The following BLOC1S3 variants were observed in gnomAD, a reference collection of about 807,000 sequenced individuals.
BLOC1S3 encodes biogenesis of lysosomal organelles complex 1 subunit 3.
A neutral mutation model predicts 9.1 loss-of-function variants in BLOC1S3; 7 were observed. The ratio of observed to expected loss-of-function variants is 0.77; its 90% CI spans 0.44 to 1.45. BLOC1S3 has a LOEUF of 1.45. BLOC1S3 is among the 40% of genes most tolerant of loss of function. BLOC1S3 has a pLI of 0.01. For synonymous variants in BLOC1S3, 145 were observed against 158.4 expected (o/e 0.92, Z 0.64); for missense variants, 307 against 315.2 (o/e 0.97, Z 0.20).
chr19:45,194,040 C>T lies in BLOC1S3; in HGVS notation n.180+6300C>T, dbSNP rs181452266. Among the ~76,000 whole-genome samples the T allele has an allele frequency of 2.0e-3, 271 of 137,204 alleles. 2 individuals are homozygous for T. Among genetic ancestry groups the T allele is most frequent in the African/African-American group, 6.6e-3 (240 of 36,270 alleles). 90.0% of individuals were successfully genotyped at this position (137,204 alleles called of 152,430 possible). The stretch of plus-strand genomic sequence containing the variant: ...GGATGGTCTCGATCTCCTGACCTCA[C>T]GATCCGCCCTCCTTGGCCTCCCAAA... On this transcript the variant is annotated intron_variant and non_coding_transcript_variant, in intron 2 of 3. Coordinates refer to the BLOC1S3 transcript ENST00000591569.
In BLOC1S3 at chr19:45,180,235, A is replaced by ATTTTTTTTTTTTTT. The variant is rs34965337; in HGVS notation, c.*341_*354dup. 1.2e-4 allele frequency: 11 copies of ATTTTTTTTTTTTTT among 90,522 alleles called. No individual in the cohort carries two copies. The highest frequency in any genetic ancestry group is 3.1e-4 in the South Asian group (1 of 3,176). The allele number at this position is 90,522 out of a possible 1,614,324, so 5.6% of individuals were successfully genotyped here. On this transcript the variant is annotated 3_prime_UTR_variant, in exon 2 of 2. Coordinates refer to ENST00000433642, the MANE Select transcript of BLOC1S3 (RefSeq NM_212550.5). ...CTGTTTCCACCCTGGGGGCTCACCA[A>ATTTTTTTTTTTTTT]TTTTTTTTTTTTTTTTTTTTTTTTG...
rs1399781701 is a variant in BLOC1S3 at position 45,179,146 on chromosome 19, A to G, written c.-9-142A>G. 2 of 915,542 alleles carry G rather than the reference A, an allele frequency of 2.2e-6. No homozygotes were observed. The highest frequency in any genetic ancestry group is 1.8e-5 in the African/African-American group (1 of 56,440). The allele number at this position is 915,542 out of a possible 1,614,324, so 56.7% of individuals were successfully genotyped here. On this transcript the variant is annotated intron_variant, in intron 1 of 1. Transcript: ENST00000433642. The surrounding 1 kb of genome is among the most constrained non-coding windows in gnomAD (Gnocchi z 4.6). The stretch of plus-strand genomic sequence containing the variant: ...CCCCCATCATCACCCAGTTTACAGA[A>G]GAGGAAACTGAGGCCCAGACGGGGA...
At chr19:45,210,821 T>C (rs563437725) in intron 3 of BLOC1S3, among the ~76,000 whole-genome samples, 4 of 152,332 alleles carry the variant, frequency 2.6e-5, no homozygotes, top group African/African-American at 7.2e-5. Context: ...GAGGCTCTTA[T>C]ATGTTTAATT....
intron 3 of BLOC1S3, among the ~76,000 whole-genome samples, chr19:45,203,344 G>C (rs1969705167): frequency 6.6e-6 from 1 of 152,114 alleles, no homozygotes; most frequent in Admixed American, 6.6e-5. Context: ...CGTGCTCTCG[G>C]CTCACTGCAA....
downstream of BLOC1S3, among the ~76,000 whole-genome samples, chr19:45,184,041 G>C (rs1387746908): frequency 6.6e-6 from 1 of 152,120 alleles, no homozygotes; most frequent in African/African-American, 2.4e-5. Flanking sequence ...CTGGAGCACA[G>C]AGCTTCCCTC....
intron 3 of BLOC1S3, among the ~76,000 whole-genome samples, chr19:45,215,626 A>G (rs1222704567): frequency 6.6e-6 from 1 of 152,222 alleles, no homozygotes; most frequent in Non-Finnish European, 1.5e-5. Flanking sequence ...CGAGAATACT[A>G]CTATCCCCAT....
Position 45,179,215 on chromosome 19 carries a change from G to C in BLOC1S3, c.-9-73G>C. ...TTAAGAGAATCAGCGAAGGGGCTGGGAATCCAGGACCTGCGCCTTTTACCC... is the reference window on the plus strand; with the variant it reads ...TTAAGAGAATCAGCGAAGGGGCTGGCAATCCAGGACCTGCGCCTTTTACCC... On this transcript the variant is annotated intron_variant, in intron 1 of 1. Coordinates refer to ENST00000433642, the MANE Select transcript of BLOC1S3 (RefSeq NM_212550.5). The surrounding 1 kb of genome is among the most constrained non-coding windows in gnomAD (Gnocchi z 4.6). 7.1e-7 allele frequency: 1 copy of C among 1,401,104 alleles called. No individual in the cohort carries two copies. The allele number at this position is 1,401,104 out of a possible 1,614,324, so 86.8% of individuals were successfully genotyped here.
intron 3 of BLOC1S3, among the ~76,000 whole-genome samples, chr19:45,214,975 G>A (rs1034322189): frequency 1.3e-4 from 19 of 151,990 alleles, no homozygotes; most frequent in African/African-American, 4.6e-4. Context: ...GGTCAACTTG[G>A]TGAAATCCCA....
chr19:45,213,826 C>T (rs1030743844), intron 3 of BLOC1S3, among the ~76,000 whole-genome samples: 16 of 151,420 alleles, frequency 1.1e-4, no homozygotes, highest in African/African-American at 3.1e-4. Flanking sequence ...TGGTGGCAGG[C>T]GCTTGTAATC....
downstream of BLOC1S3, among the ~76,000 whole-genome samples, chr19:45,184,507 G>A (rs542546956): frequency 2.0e-5 from 3 of 152,272 alleles, no homozygotes; most frequent in East Asian, 1.9e-4. Context: ...TCGTGAGGCT[G>A]AGATGGAAGA....
intron 3 of BLOC1S3, among the ~76,000 whole-genome samples, chr19:45,204,380 A>T (rs1314586416): frequency 6.6e-6 from 1 of 151,576 alleles, no homozygotes; most frequent in African/African-American, 2.4e-5. Flanking sequence ...TTCAGTAGAG[A>T]CAGGGTTTCA....
chr19:45,184,903 C>CAAACAAAAAAAA (rs1334862577), downstream of BLOC1S3, among the ~76,000 whole-genome samples: 5 of 48,278 alleles, frequency 1.0e-4, no homozygotes, highest in Non-Finnish European at 2.0e-4. Flanking sequence ...CTGTCTCAAA[C>CAAACAAAAAAAA]AAAAAAAAAA....
chr19:45,213,262 G>A (rs1969797527), intron 3 of BLOC1S3: 2 of 1,613,656 alleles, frequency 1.2e-6, no homozygotes, highest in African/African-American at 1.3e-5. Context: ...TCCCTCCTCA[G>A]AGAGTTCCAG....
At chr19:45,215,627 C>G (rs1490731125) in intron 3 of BLOC1S3, among the ~76,000 whole-genome samples, 1 of 152,210 alleles carries the variant, frequency 6.6e-6, no homozygotes. Context: ...GAGAATACTA[C>G]TATCCCCATG....
chr19:45,179,534 C>T lies in BLOC1S3; in HGVS notation c.238C>T (p.Leu80=). ...GGAACCGACGGCCGCGCCGAGGGAC[C>T]TGCCTCCACTCGTGGTGCAGCGGGA... The part of the protein sequence containing the change: ...EPEPTAAPRD[L]PPLVVQRESA... The change falls in exon 2 of 2, where the codon CTG becomes TTG. Residue 80 remains leucine (L), a synonymous_variant. Transcript: ENST00000433642. This position sits in a 1 kb window ranked among gnomAD's most constrained non-coding sequence, Gnocchi z 4.6. 1 of 1,522,932 alleles carries T rather than the reference C, an allele frequency of 6.6e-7. No homozygotes were observed. The allele number at this position is 1,522,932 out of a possible 1,614,324, so 94.3% of individuals were successfully genotyped here.
intron 3 of BLOC1S3, among the ~76,000 whole-genome samples, chr19:45,215,716 C>T (rs1969825230): frequency 6.6e-6 from 1 of 152,170 alleles, no homozygotes; most frequent in Non-Finnish European, 1.5e-5. Context: ...GCCGCCTGCG[C>T]CTGCCGCTGT....
At chr19:45,203,499 C>T (rs1969706347) in intron 3 of BLOC1S3, among the ~76,000 whole-genome samples, 1 of 152,096 alleles carries the variant, frequency 6.6e-6, no homozygotes, top group Non-Finnish European at 1.5e-5. Flanking sequence ...GTCTCGAACT[C>T]CTGACCTCGT....
At chr19:45,212,797 A>G in intron 3 of BLOC1S3, 1 of 380,502 alleles carries the variant, frequency 2.6e-6, no homozygotes, top group South Asian at 6.8e-5. Flanking sequence ...GGCAGGTCTC[A>G]CTATGTTGCC....
At chr19:45,183,634 T>C (rs2122893035), downstream of BLOC1S3, among the ~76,000 whole-genome samples, 1 of 139,224 alleles carries the variant, frequency 7.2e-6, no homozygotes, top group South Asian at 2.4e-4. Flanking sequence ...TTTTTTTTTT[T>C]TTTTTTTTTT....
Sources: allele counts gnomAD v4.1 joint callset (sites outside exome capture counted in the v4.1 genomes callset), GRCh38; gene constraint gnomAD v4.1.1; non-coding constraint Gnocchi (gnomAD v3.1); transcripts MANE v1.5; gene names NCBI Gene and HGNC (gene_info 2026-07-23, HGNC 2026-07-21).